The following JMJD1C variants were observed in gnomAD, a reference collection of about 807,000 sequenced individuals.
The protein encoded by JMJD1C is jumonji domain containing 1C.
Under a neutral mutation model 245.3 loss-of-function variants are expected in JMJD1C, and 31 were observed. The ratio of observed to expected loss-of-function variants is 0.13; its 90% CI spans 0.09 to 0.17. The LOEUF (loss-of-function observed/expected upper bound fraction) is 0.17. Among genes scored for constraint, JMJD1C ranks in the 10% least tolerant of loss-of-function variants. The pLI, the probability that JMJD1C is intolerant of heterozygous loss-of-function variation, is 1.00. For synonymous variants in JMJD1C, 1,057 were observed against 1,017.4 expected, an observed-to-expected ratio of 1.04 and a Z score of -0.74; for missense variants, 2,691 against 3,000.2, an observed-to-expected ratio of 0.90 and a Z score of 2.41.
At chr10:63,278,823 G>A (rs1422755625) in intron 2 of JMJD1C, among the ~76,000 whole-genome samples, 8 of 123,804 alleles carry the variant, frequency 6.5e-5, no homozygotes, top group Non-Finnish European at 9.9e-5. Flanking sequence ...TGGACAACAA[G>A]AGCAAAACTC....
At chr10:63,260,279 C>A (rs766683016) in intron 3 of JMJD1C, among the ~76,000 whole-genome samples, 49 of 152,122 alleles carry the variant, frequency 3.2e-4, no homozygotes, top group Admixed American at 5.2e-4. Flanking sequence ...ACTGGACTAA[C>A]AAGCCAGACC....
chr10:63,190,891 C>T lies in JMJD1C; in HGVS notation c.6291+3G>A. On this transcript the variant is annotated splice_donor_region_variant and intron_variant, in intron 17 of 25. Coordinates refer to ENST00000399262, the MANE Select transcript of JMJD1C (RefSeq NM_032776.3). Reference sequence around the variant, plus strand: ...TTAAAACCAAAAATCTGGCATCACTCACTGGGGCTCCCATTGAATATACTG... The same window carrying T: ...TTAAAACCAAAAATCTGGCATCACTTACTGGGGCTCCCATTGAATATACTG... 6.2e-7 allele frequency: 1 copy of T among 1,613,468 alleles called. No individual in the cohort carries two copies.
At chr10:63,285,617 G>A (rs898802876) in intron 2 of JMJD1C, among the ~76,000 whole-genome samples, 1 of 152,116 alleles carries the variant, frequency 6.6e-6, no homozygotes, top group Non-Finnish European at 1.5e-5. Flanking sequence ...AGACCAGCCT[G>A]GGCAACCTGG....
chr10:63,432,390 T>C (rs534142939), intron 1 of JMJD1C, among the ~76,000 whole-genome samples: 1 of 152,268 alleles, frequency 6.6e-6, no homozygotes, highest in African/African-American at 2.4e-5. Context: ...GAAATCATAC[T>C]TGGTTGTGGT....
At chr10:63,492,094 C>A (rs887498108) in intron 1 of JMJD1C, among the ~76,000 whole-genome samples, 1 of 152,144 alleles carries the variant, frequency 6.6e-6, no homozygotes, top group African/African-American at 2.4e-5. Flanking sequence ...TGGAGTAAAG[C>A]GTGATCTCGG....
At chr10:63,365,477 T>G (rs10740119) in intron 2 of JMJD1C, among the ~76,000 whole-genome samples, 101,076 of 152,036 alleles carry the variant, frequency 0.66, 36,213 homozygotes, top group Non-Finnish European at 0.81. Context: ...CTCAGTAAGA[T>G]TCAGTAATTC....
chr10:63,168,044 C>CTT lies in JMJD1C; in HGVS notation c.7622_7623dup, dbSNP rs757858106. 1 of 1,543,698 alleles carries CTT rather than the reference C, an allele frequency of 6.5e-7. No individual in the cohort carries two copies. Among genetic ancestry groups the CTT allele is most frequent in the African/African-American group, 1.4e-5 (1 of 73,798 alleles). On this transcript the variant is annotated 3_prime_UTR_variant, in exon 26 of 26. Coordinates refer to ENST00000399262, the MANE Select transcript of JMJD1C (RefSeq NM_032776.3). ...CCTAAAAATATCAAACTGGATCACA[C>CTT]TTAATTTTCTTCCATATCCTCTACT... is the stretch of plus-strand genomic sequence containing the variant.
intron 1 of JMJD1C, among the ~76,000 whole-genome samples, chr10:63,520,861 A>T (rs781545485): frequency 1.3e-5 from 2 of 152,130 alleles, no homozygotes; most frequent in Non-Finnish European, 2.9e-5. Context: ...GCACACACGG[A>T]GGCCTGTGCA....
chr10:63,272,756 A>G (rs1856451375), intron 2 of JMJD1C, among the ~76,000 whole-genome samples: 1 of 152,234 alleles, frequency 6.6e-6, no homozygotes. Context: ...TCAAATTTTA[A>G]GTACTTTAGT....
At chr10:63,202,828 A>C in intron 10 of JMJD1C, 1 of 982,534 alleles carries the variant, frequency 1.0e-6, no homozygotes, top group Non-Finnish European at 1.2e-6. Flanking sequence ...GAATGATAGA[A>C]TTGTTATACT....
At chr10:63,442,235 G>T (rs1951434395) in intron 1 of JMJD1C, among the ~76,000 whole-genome samples, 2 of 151,932 alleles carry the variant, frequency 1.3e-5, no homozygotes, top group African/African-American at 4.8e-5. Context: ...AGACTGCCAG[G>T]GAGAAAAAAC....
intron 1 of JMJD1C, among the ~76,000 whole-genome samples, chr10:63,431,277 C>T (rs759653690): frequency 3.3e-5 from 5 of 152,084 alleles, no homozygotes; most frequent in Admixed American, 6.6e-5. Flanking sequence ...AAAAGACCAA[C>T]TTAATTATTG....
Position 63,233,757 on chromosome 10 carries a change from GCACACACACACA to G in JMJD1C, c.448-13786_448-13775del, listed in dbSNP as rs10565803. 2.7e-4 allele frequency among the ~76,000 whole-genome samples: 40 copies of G among 148,204 alleles called. 1 individual carries two copies. Among genetic ancestry groups the G allele is most frequent in the African/African-American group, 8.4e-4 (34 of 40,394 alleles). On this transcript the variant is annotated intron_variant, in intron 3 of 25. Coordinates refer to ENST00000399262, the MANE Select transcript of JMJD1C (RefSeq NM_032776.3). ...TATATATATATCCACACACGCGCGT[GCACACACACACA>G]CACACACACACACACCACCACCAGG... is the stretch of plus-strand genomic sequence containing the variant.
chr10:63,203,613 G>A (rs1046057640), intron 10 of JMJD1C: 13 of 957,622 alleles, frequency 1.4e-5, no homozygotes, highest in Non-Finnish European at 1.6e-5. Flanking sequence ...TAGATAAAAT[G>A]TAAGATAGAA....
intron 2 of JMJD1C, among the ~76,000 whole-genome samples, chr10:63,342,840 CA>C (rs1461366445): frequency 6.6e-6 from 1 of 152,136 alleles, no homozygotes; most frequent in Non-Finnish European, 1.5e-5. Context: ...CTAATGTACA[CA>C]ACTTTGTTTA....
At chr10:63,178,639 C>T (rs192250044) in intron 22 of JMJD1C, among the ~76,000 whole-genome samples, 5 of 152,274 alleles carry the variant, frequency 3.3e-5, no homozygotes, top group South Asian at 2.1e-4. Context: ...TGATTAATTT[C>T]GAGGTGCTCT....
chr10:63,395,868 C>T (rs756419609), intron 1 of JMJD1C, among the ~76,000 whole-genome samples: 1 of 152,046 alleles, frequency 6.6e-6, no homozygotes, highest in Non-Finnish European at 1.5e-5. Context: ...TAATTCTATT[C>T]ATGCGACACC....
rs1858841434 is a variant in JMJD1C at position 63,292,144 on chromosome 10, A to ATTTTTTTTTTTTGTTTTTTTTTTTT, written c.334-27381_334-27380insAAAAAAAAAAAACAAAAAAAAAAAA. Among the ~76,000 whole-genome samples the ATTTTTTTTTTTTGTTTTTTTTTTTT allele has an allele frequency of 3.6e-5, 2 of 56,326 alleles. 1 individual carries two copies. The highest frequency in any genetic ancestry group is 6.3e-5 in the Non-Finnish European group (2 of 31,588). The allele number at this position is 56,326 out of a possible 152,430, so 37.0% of individuals were successfully genotyped here. A position where few individuals can be genotyped will look rare whatever the true frequency, so the allele number is the denominator to read the frequency against. ...TTTTTTTTAGTTTCTGTAGAGACAGATTTTTTTTTTTTTTTTTTTGCCTAG... is the reference window on the plus strand; with the variant it reads ...TTTTTTTTAGTTTCTGTAGAGACAGATTTTTTTTTTTTGTTTTTTTTTTTTTTTTTTTTTTTTTTTTTTTGCCTAG... On this transcript the variant is annotated intron_variant, in intron 2 of 25. Transcript: ENST00000399262.
intron 18 of JMJD1C, among the ~76,000 whole-genome samples, chr10:63,187,707 T>C (rs1357914572): frequency 2.0e-5 from 3 of 152,142 alleles, no homozygotes; most frequent in African/African-American, 7.2e-5. Context: ...TCCCAAAATG[T>C]TGGGATTATA....
Sources: allele counts gnomAD v4.1 joint callset (sites outside exome capture counted in the v4.1 genomes callset), GRCh38; gene constraint gnomAD v4.1.1; transcripts MANE v1.5; gene names NCBI Gene and HGNC (gene_info 2026-07-23, HGNC 2026-07-21).